Variants in AK5 observed in about 807,000 individuals in gnomAD.
AK5 encodes adenylate kinase 5.
A neutral mutation model predicts 69.5 loss-of-function variants in AK5; 27 were observed. The observed-to-expected ratio is 0.39, with a 90% CI of 0.29 to 0.54. The LOEUF is 0.54. AK5 is among the 20% of genes least tolerant of loss of function. AK5 has a pLI of 0.71. For missense variants in AK5, 531 were observed against 700.4 expected (o/e 0.76, Z 2.73); for synonymous variants, 260 against 244.4 (o/e 1.06, Z -0.60).
rs147957242 is a variant in AK5, at chr1:77,522,535, G to A, written c.1428+592G>A. Among the ~76,000 whole-genome samples, 562 of 152,260 alleles carry A rather than the reference G, an allele frequency of 3.7e-3. 5 individuals carry two copies. Among genetic ancestry groups the A allele is most frequent in the Middle Eastern group, 0.02 (6 of 294 alleles). On this transcript the variant is annotated intron_variant, in intron 12 of 13. Coordinates refer to ENST00000354567, the MANE Select transcript of AK5 (RefSeq NM_174858.3). ...AGGGCTGCCCTTACAAGAAGACGGG[G>A]GAATGGGTGCTGGACAGGCAGAATC... is the stretch of plus-strand genomic sequence containing the variant.
chr1:77,509,576 A>G lies in AK5; in HGVS notation c.1148-8988A>G, dbSNP rs144760078. ...AGAGTCATTCGGTCACAAAAACCTT[A>G]ACCCAACATAGGGACCTATTTTCAT... On this transcript the variant is annotated intron_variant, in intron 10 of 13. Coordinates refer to ENST00000354567, the MANE Select transcript of AK5 (RefSeq NM_174858.3). Among the ~76,000 whole-genome samples, 72 of 152,360 alleles carry G rather than the reference A, an allele frequency of 4.7e-4. No homozygotes were observed. In the East Asian group the frequency reaches 0.011, roughly 24 times the overall value.
intron 5 of AK5, among the ~76,000 whole-genome samples, chr1:77,337,630 T>G (rs1661429943): frequency 6.6e-6 from 1 of 152,218 alleles, no homozygotes; most frequent in Non-Finnish European, 1.5e-5. Context: ...TAACTTCAGG[T>G]AATCTCTTTA....
At chr1:77,446,170 C>G (rs527963636) in intron 8 of AK5, among the ~76,000 whole-genome samples, 49 of 152,296 alleles carry the variant, frequency 3.2e-4, no homozygotes, top group African/African-American at 1.1e-3. Flanking sequence ...TCCCTAGCAC[C>G]ATTTATTGCA....
chr1:77,510,262 A>G (rs923329497), intron 10 of AK5, among the ~76,000 whole-genome samples: 8 of 152,214 alleles, frequency 5.3e-5, no homozygotes, highest in African/African-American at 1.7e-4. Context: ...CTGGCAAAGA[A>G]AGGAAGAGAA....
At chr1:77,542,773 C>A (rs138679626) in intron 13 of AK5, among the ~76,000 whole-genome samples, 1 of 151,928 alleles carries the variant, frequency 6.6e-6, no homozygotes, top group East Asian at 1.9e-4. Flanking sequence ...GATATATTTC[C>A]GTACATTTTG....
chr1:77,304,989 G>A (rs779374810), intron 5 of AK5, among the ~76,000 whole-genome samples: 4 of 152,018 alleles, frequency 2.6e-5, no homozygotes, highest in Non-Finnish European at 5.9e-5. Context: ...CCACATCCTC[G>A]TCAGCATTTG....
intron 8 of AK5, among the ~76,000 whole-genome samples, chr1:77,425,671 G>A (rs1305123559): frequency 1.3e-5 from 2 of 152,138 alleles, no homozygotes; most frequent in African/African-American, 4.8e-5. Context: ...GAATGAATAA[G>A]TGAAGATAAA....
intron 5 of AK5, among the ~76,000 whole-genome samples, chr1:77,313,389 G>A (rs1212350993): frequency 6.6e-6 from 1 of 152,140 alleles, no homozygotes; most frequent in African/African-American, 2.4e-5. Flanking sequence ...GAGGCTGAAT[G>A]TGGGCTGCAG....
chr1:77,473,335 A>G (rs779610827), intron 8 of AK5, among the ~76,000 whole-genome samples: 6 of 151,872 alleles, frequency 4.0e-5, no homozygotes, highest in Admixed American at 6.6e-5. Context: ...CTCCCACCTC[A>G]GCCTCTCAAA....
At chr1:77,389,747 A>G (rs1265570030) in intron 6 of AK5, among the ~76,000 whole-genome samples, 3 of 152,164 alleles carry the variant, frequency 2.0e-5, no homozygotes, top group African/African-American at 7.2e-5. Context: ...AGATTGCTTG[A>G]GCCCAGGAGT....
At chr1:77,456,921 T>TAA (rs35087048) in intron 8 of AK5, among the ~76,000 whole-genome samples, 124 of 143,890 alleles carry the variant, frequency 8.6e-4, no homozygotes, top group South Asian at 3.1e-3. Flanking sequence ...GTAGTTTCCT[T>TAA]AAAAAAAAAA....
chr1:77,487,432 A>G (rs1655673776), intron 10 of AK5, among the ~76,000 whole-genome samples: 1 of 152,200 alleles, frequency 6.6e-6, no homozygotes, highest in Non-Finnish European at 1.5e-5. Context: ...TCCTCTAATC[A>G]TTCAAGTGCC....
intron 5 of AK5, chr1:77,314,987 A>G (rs1660169691): frequency 6.6e-6 from 1 of 152,146 alleles, no homozygotes; most frequent in Admixed American, 6.5e-5. Context: ...CACAAAGATG[A>G]ATGAATAATG....
chr1:77,377,208 G>A (rs921867671), intron 6 of AK5, among the ~76,000 whole-genome samples: 1 of 152,102 alleles, frequency 6.6e-6, no homozygotes, highest in African/African-American at 2.4e-5. Context: ...TGTCAGTGGG[G>A]TCCTCTCTAC....
At chr1:77,504,322 C>T (rs1213850700) in intron 10 of AK5, among the ~76,000 whole-genome samples, 1 of 152,088 alleles carries the variant, frequency 6.6e-6, no homozygotes, top group Non-Finnish European at 1.5e-5. Flanking sequence ...AATAATACAT[C>T]TTCATTCTAG....
chr1:77,433,491 C>T (rs182951452), intron 8 of AK5, among the ~76,000 whole-genome samples: 191 of 148,224 alleles, frequency 1.3e-3, no homozygotes, highest in African/African-American at 4.6e-3. Flanking sequence ...TTAAATATGA[C>T]AATTTAGTCA....
intron 8 of AK5, among the ~76,000 whole-genome samples, chr1:77,475,737 G>A (rs1029080454): frequency 1.3e-5 from 2 of 151,420 alleles, no homozygotes; most frequent in African/African-American, 4.9e-5. Flanking sequence ...ATAATTCCTT[G>A]GCAAGACTAG....
intron 13 of AK5, among the ~76,000 whole-genome samples, chr1:77,545,322 C>A (rs140278136): frequency 6.6e-6 from 1 of 152,138 alleles, no homozygotes; most frequent in African/African-American, 2.4e-5. Context: ...GACACACACA[C>A]ACAACCATGG....
intron 8 of AK5, among the ~76,000 whole-genome samples, chr1:77,450,713 A>G (rs1464089890): frequency 6.6e-6 from 1 of 152,212 alleles, no homozygotes; most frequent in East Asian, 1.9e-4. Flanking sequence ...TTAACATCAT[A>G]TTTGCAATCA....
Sources: gnomAD v4.1 joint callset for allele counts (sites outside exome capture counted in the v4.1 genomes callset) on GRCh38, gnomAD v4.1.1 for gene constraint, MANE v1.5 for transcripts, NCBI Gene and HGNC (gene_info 2026-07-23, HGNC 2026-07-21) for gene names.